Variants in AKT3 observed in about 807,000 individuals in gnomAD.
The protein encoded by AKT3 is AKT serine/threonine kinase 3.
A neutral mutation model predicts 65.3 loss-of-function variants in AKT3; 15 were observed. The observed-to-expected ratio is 0.23, with a 90% CI of 0.15 to 0.35. AKT3 has a LOEUF of 0.35. AKT3 is among the 10% of genes least tolerant of loss of function. The pLI is 1.00. For synonymous variants in AKT3, 206 were observed against 183.8 expected, an observed-to-expected ratio of 1.12 and a Z score of -0.98; for missense variants, 243 against 576.5, an observed-to-expected ratio of 0.42 and a Z score of 5.92.
At chr1:243,589,050 G>A (rs1435769279) in intron 8 of AKT3, among the ~76,000 whole-genome samples, 1 of 152,078 alleles carries the variant, frequency 6.6e-6, no homozygotes, top group Non-Finnish European at 1.5e-5. Context: ...GCTCACGCCT[G>A]CAATCCCAGC....
intron 2 of AKT3, among the ~76,000 whole-genome samples, chr1:243,825,062 C>T (rs1445860462): frequency 1.3e-5 from 2 of 152,128 alleles, no homozygotes; most frequent in Admixed American, 6.5e-5. Context: ...CCATGGAATA[C>T]TATATAGCCA....
At chr1:243,669,924 C>G (rs1278166677) in intron 3 of AKT3, among the ~76,000 whole-genome samples, 1 of 152,100 alleles carries the variant, frequency 6.6e-6, no homozygotes, top group African/African-American at 2.4e-5. Flanking sequence ...ACTAAACTTG[C>G]TAAGTATTCA....
chr1:243,819,723 C>T (rs1693742900), intron 2 of AKT3, among the ~76,000 whole-genome samples: 1 of 152,190 alleles, frequency 6.6e-6, no homozygotes, highest in Non-Finnish European at 1.5e-5. Flanking sequence ...TCGCCAGACA[C>T]CTTATATAGG....
At chr1:243,567,836 T>C (rs1212742712) in intron 9 of AKT3, among the ~76,000 whole-genome samples, 1 of 152,166 alleles carries the variant, frequency 6.6e-6, no homozygotes, top group Non-Finnish European at 1.5e-5. Context: ...TGTTATACAA[T>C]ACATGATAAT....
intron 2 of AKT3, among the ~76,000 whole-genome samples, chr1:243,718,496 C>T (rs1298786347): frequency 6.6e-6 from 1 of 152,048 alleles, no homozygotes; most frequent in Admixed American, 6.6e-5. Flanking sequence ...GTCGCCAAGG[C>T]TGGAGTGCAG....
At chr1:243,586,000 A>C (rs998963180) in intron 8 of AKT3, among the ~76,000 whole-genome samples, 3 of 152,218 alleles carry the variant, frequency 2.0e-5, no homozygotes, top group African/African-American at 7.2e-5. Flanking sequence ...TCTAATATCC[A>C]AAGTGTATAA....
rs1685304874 is a variant in AKT3 at position 243,699,514 on chromosome 1, A to ATATATATAT, written c.47-3799_47-3798insATATATATA. ...ATATATATATATATATATATATATA[A>ATATATATAT]TCTTCATGGGTGCTTCCACTTCTTT... On this transcript the variant is annotated intron_variant, in intron 2 of 13. Transcript: ENST00000673466. Among the ~76,000 whole-genome samples the ATATATATAT allele has an allele frequency of 5.2e-5, 5 of 96,744 alleles. 1 individual carries two copies. Among genetic ancestry groups the ATATATATAT allele is most frequent in the African/African-American group, 2.7e-4 (5 of 18,310 alleles). The allele number at this position is 96,744 out of a possible 152,430, so 63.5% of individuals were successfully genotyped here.
intron 2 of AKT3, among the ~76,000 whole-genome samples, chr1:243,835,408 T>C (rs1163707852): frequency 1.3e-5 from 2 of 152,194 alleles, no homozygotes; most frequent in Non-Finnish European, 2.9e-5. Flanking sequence ...CGAAATAATC[T>C]GTATACCAAA....
At chr1:243,514,350 T>A (rs979828677) in intron 12 of AKT3, among the ~76,000 whole-genome samples, 1 of 152,174 alleles carries the variant, frequency 6.6e-6, no homozygotes, top group Non-Finnish European at 1.5e-5. Flanking sequence ...AAACCTATCT[T>A]AACACAGTTT....
chr1:243,774,546 C>T (rs1485427510), intron 2 of AKT3, among the ~76,000 whole-genome samples: 1 of 151,964 alleles, frequency 6.6e-6, no homozygotes, highest in Non-Finnish European at 1.5e-5. Context: ...GCCTTCTTAT[C>T]ACAAGTAAAA....
At chr1:243,516,131 T>C (rs1396364693) in intron 12 of AKT3, among the ~76,000 whole-genome samples, 1 of 152,226 alleles carries the variant, frequency 6.6e-6, no homozygotes, top group African/African-American at 2.4e-5. Flanking sequence ...TTGGTGAAAA[T>C]ATGTGGGTCT....
rs58733457 is a variant in AKT3, at chr1:243,760,282, C to CTTTTTTTTTT, written c.47-64576_47-64567dup. Among the ~76,000 whole-genome samples, 500 of 80,914 alleles carry CTTTTTTTTTT rather than the reference C, an allele frequency of 6.2e-3. 14 individuals carry two copies. Among genetic ancestry groups the CTTTTTTTTTT allele is most frequent in the African/African-American group, 9.3e-3 (172 of 18,546 alleles). The allele number at this position is 80,914 out of a possible 152,430, so 53.1% of individuals were successfully genotyped here. On this transcript the variant is annotated intron_variant, in intron 2 of 13. Coordinates refer to ENST00000673466, the MANE Select transcript of AKT3 (RefSeq NM_005465.7). ...TACAGGCATGTACCTCTATATCTGG[C>CTTTTTTTTTT]TTTTTTTTTTTTTTTTTTTTTTGTC...
At chr1:243,512,718 T>G (rs976100318) in intron 12 of AKT3, among the ~76,000 whole-genome samples, 4 of 152,120 alleles carry the variant, frequency 2.6e-5, no homozygotes, top group African/African-American at 9.7e-5. Flanking sequence ...TTTTCCCCAA[T>G]AACAAACATA....
At chr1:243,510,167 T>G (rs138216137) in intron 13 of AKT3, among the ~76,000 whole-genome samples, 297 of 152,332 alleles carry the variant, frequency 1.9e-3, no homozygotes, top group Admixed American at 6.1e-3. Context: ...TGTCAAGACC[T>G]TCCTATCCCA....
chr1:243,849,388 C>A (rs192485599), intron 1 of AKT3, among the ~76,000 whole-genome samples: 206 of 12,656 alleles, frequency 0.016, 2 homozygotes, highest in African/African-American at 0.023. Context: ...ACACACACAC[C>A]CCCCCCCCCA....
intron 2 of AKT3, among the ~76,000 whole-genome samples, chr1:243,738,260 C>T (rs1687952698): frequency 6.6e-6 from 1 of 152,154 alleles, no homozygotes; most frequent in African/African-American, 2.4e-5. Context: ...CCAGTGGCTG[C>T]CTGTGATCTG....
intron 12 of AKT3, among the ~76,000 whole-genome samples, chr1:243,514,969 C>A (rs1169280106): frequency 1.3e-5 from 2 of 152,212 alleles, no homozygotes; most frequent in Non-Finnish European, 2.9e-5. Flanking sequence ...ATCCTCCCAT[C>A]CCCTGCAGGC....
intron 13 of AKT3, among the ~76,000 whole-genome samples, chr1:243,494,694 G>C (rs1489981616): frequency 6.6e-6 from 1 of 152,214 alleles, no homozygotes; most frequent in African/African-American, 2.4e-5. Context: ...TGGGAGAAAA[G>C]TCAATTGAAT....
chr1:243,587,392 C>A lies in AKT3; in HGVS notation c.697-14344G>T, dbSNP rs191435132. Among the ~76,000 whole-genome samples, 10 of 152,236 alleles carry A rather than the reference C, an allele frequency of 6.6e-5. No individual in the cohort carries two copies. In the East Asian group the frequency reaches 1.9e-3, roughly 29 times the overall value. The stretch of plus-strand genomic sequence containing the variant: ...TTGGGAGGCCGAGACTGGCAGATTG[C>A]CTGAGCTCAAGAATTCGAAACCAGC... On this transcript the variant is annotated intron_variant, in intron 8 of 13. Transcript: ENST00000673466.
Sources: allele counts gnomAD v4.1 joint callset (sites outside exome capture counted in the v4.1 genomes callset), GRCh38; gene constraint gnomAD v4.1.1; transcripts MANE v1.5; gene names NCBI Gene and HGNC (gene_info 2026-07-23, HGNC 2026-07-21).